Variants in MSI2 observed in about 807,000 individuals in gnomAD.
MSI2 encodes RNA-binding protein Musashi homolog 2.
Under a neutral mutation model 45.6 loss-of-function variants are expected in MSI2, and 17 were observed. That is an observed-to-expected ratio of 0.37 (90% CI 0.26 to 0.56). The LOEUF (loss-of-function observed/expected upper bound fraction) is 0.56. Ranked by LOEUF, MSI2 falls within the 20% of genes least tolerant of loss-of-function variation. The pLI, the probability that MSI2 is intolerant of heterozygous loss-of-function variation, is 0.77. For missense variants in MSI2, 293 were observed against 444.2 expected (o/e 0.66, Z 3.06); for synonymous variants, 156 against 158.2 (o/e 0.99, Z 0.11).
At chr17:57,511,734 T>A (rs967033656) in intron 6 of MSI2, among the ~76,000 whole-genome samples, 1 of 152,242 alleles carries the variant, frequency 6.6e-6, no homozygotes, top group East Asian at 1.9e-4. Context: ...TATTTGGCAA[T>A]GGGGTATTGG....
chr17:57,484,422 G>A lies in MSI2; in HGVS notation c.406-45254G>A, dbSNP rs536024484. Among the ~76,000 whole-genome samples the A allele has an allele frequency of 2.2e-3, 342 of 152,164 alleles. 2 individuals carry two copies. Among genetic ancestry groups the A allele is most frequent in the Non-Finnish European group, 3.8e-3 (259 of 67,982 alleles). On this transcript the variant is annotated intron_variant, in intron 6 of 13. Transcript: ENST00000284073. ...ATTCCTCAAATATTTCTTCCCCCTC[G>A]GAACTCAGTACTGTCAGCCTCAACA...
intron 5 of MSI2, among the ~76,000 whole-genome samples, chr17:57,368,977 T>G (rs1351976246): frequency 6.6e-6 from 1 of 152,180 alleles, no homozygotes; most frequent in Non-Finnish European, 1.5e-5. Flanking sequence ...GGGTCAGAAA[T>G]AGGGTCACCC....
intron 6 of MSI2, among the ~76,000 whole-genome samples, chr17:57,414,191 G>A (rs1225905919): frequency 6.6e-6 from 1 of 152,224 alleles, no homozygotes; most frequent in Non-Finnish European, 1.5e-5. Flanking sequence ...TCAGATATGT[G>A]TAGTCTCTTT....
At position 57,529,600 on chromosome 17, in the gene MSI2, C is replaced by A; in HGVS notation, c.406-76C>A. 1.5e-6 allele frequency: 2 copies of A among 1,363,754 alleles called. No individual in the cohort carries two copies. Among genetic ancestry groups the A allele is most frequent in the African/African-American group, 1.4e-5 (1 of 69,522 alleles). The allele number at this position is 1,363,754 out of a possible 1,614,324, so 84.5% of individuals were successfully genotyped here. On this transcript the variant is annotated intron_variant, in intron 6 of 13. Transcript: ENST00000284073. This position sits in a 1 kb window ranked among gnomAD's most constrained non-coding sequence, Gnocchi z 5.3. ...CTGTAATGGAAACTACCCCCTCACC[C>A]CCCGACATGCATATAATGTTTTGTG...
the MSI2 span, among the ~76,000 whole-genome samples, chr17:57,694,651 T>G: frequency 1.7e-4 from 26 of 152,290 alleles, 1 homozygote; most frequent in African/African-American, 4.6e-4. Flanking sequence ...ACATTGAAAG[T>G]ATGTTCATGC....
chr17:57,690,496 G>A, the MSI2 span, among the ~76,000 whole-genome samples: 2 of 151,886 alleles, frequency 1.3e-5, no homozygotes, highest in African/African-American at 2.4e-5. Flanking sequence ...GTGTGCACCT[G>A]TAGTCCCAGC....
At chr17:57,302,648 C>T (rs80147121) in intron 5 of MSI2, among the ~76,000 whole-genome samples, 3,569 of 152,300 alleles carry the variant, frequency 0.023, 136 homozygotes, top group African/African-American at 0.08. Context: ...CAAATCTTTT[C>T]ACTTACTGTG....
intron 5 of MSI2, among the ~76,000 whole-genome samples, chr17:57,354,490 A>G (rs1916275738): frequency 6.6e-6 from 1 of 152,192 alleles, no homozygotes; most frequent in African/African-American, 2.4e-5. Flanking sequence ...AAGTGAATAT[A>G]AAATTTGATT....
intron 5 of MSI2, among the ~76,000 whole-genome samples, chr17:57,369,514 A>T (rs990696083): frequency 6.6e-6 from 1 of 152,208 alleles, no homozygotes; most frequent in African/African-American, 2.4e-5. Flanking sequence ...TTGATGAATA[A>T]TTCATTCTGG....
intron 7 of MSI2, among the ~76,000 whole-genome samples, chr17:57,546,585 T>A (rs528178384): frequency 1.1e-3 from 162 of 152,278 alleles, no homozygotes; most frequent in African/African-American, 3.8e-3. Context: ...CTTGGAAGGC[T>A]GTGTGGCATG....
At chr17:57,698,898 TGTGTGTG>T in the MSI2 span, among the ~76,000 whole-genome samples, 3 of 71,698 alleles carry the variant, frequency 4.2e-5, no homozygotes, top group Admixed American at 3.6e-4. Context: ...AGGAAGTGTG[TGTGTGTG>T]TGTGTGTGTG....
In MSI2 at chr17:57,596,542, C is replaced by T. The variant is rs368039826; in HGVS notation, c.455-326C>T. ...TCCACGAGGCTCTGGTTAGCCCACC[C>T]GCCTGCTGCCGTGCACAGAGCCGCG... On this transcript the variant is annotated intron_variant, in intron 7 of 13. Transcript: ENST00000284073. This position sits in a 1 kb window ranked among gnomAD's most constrained non-coding sequence, Gnocchi z 4.6. Among the ~76,000 whole-genome samples, 3 of 152,234 alleles carry T rather than the reference C, an allele frequency of 2.0e-5. No individual in the cohort carries two copies. Among genetic ancestry groups the T allele is most frequent in the East Asian group, 1.9e-4 (1 of 5,194 alleles).
At chr17:57,607,135 C>A (rs1371803525) in intron 8 of MSI2, among the ~76,000 whole-genome samples, 1 of 152,206 alleles carries the variant, frequency 6.6e-6, no homozygotes, top group Admixed American at 6.5e-5. Context: ...GTGTGCCAGG[C>A]ACTGTGCTTT....
At chr17:57,615,267 A>G (rs751704960) in intron 8 of MSI2, among the ~76,000 whole-genome samples, 2 of 151,450 alleles carry the variant, frequency 1.3e-5, no homozygotes, top group Non-Finnish European at 2.9e-5. Flanking sequence ...AGCTGGGACT[A>G]CAGGTGTGTG....
chr17:57,597,693 G>GA (rs2144462322), intron 8 of MSI2, among the ~76,000 whole-genome samples: 1 of 152,276 alleles, frequency 6.6e-6, no homozygotes, highest in Non-Finnish European at 1.5e-5. Context: ...TAAACAGGCA[G>GA]AAGGGCGGGA....
intron 5 of MSI2, among the ~76,000 whole-genome samples, chr17:57,398,347 A>G (rs1396952012): frequency 2.0e-5 from 3 of 152,200 alleles, no homozygotes; most frequent in Non-Finnish European, 4.4e-5. Flanking sequence ...TGAGAACTCT[A>G]CTAGTGTATG....
intron 7 of MSI2, among the ~76,000 whole-genome samples, chr17:57,565,133 G>T (rs1423097754): frequency 6.6e-6 from 1 of 152,228 alleles, no homozygotes; most frequent in Non-Finnish European, 1.5e-5. Flanking sequence ...TGACTTGAGA[G>T]CCAGGGTGCC....
At chr17:57,259,464 G>A (rs531453614) in intron 4 of MSI2, among the ~76,000 whole-genome samples, 5 of 152,340 alleles carry the variant, frequency 3.3e-5, no homozygotes, top group Non-Finnish European at 5.9e-5. Flanking sequence ...GAGAAGGAAA[G>A]CAAATAAAGA....
At chr17:57,311,092 G>A (rs1420242249) in intron 5 of MSI2, among the ~76,000 whole-genome samples, 1 of 152,214 alleles carries the variant, frequency 6.6e-6, no homozygotes, top group Non-Finnish European at 1.5e-5. Context: ...TGCTCAATAT[G>A]TGGTGGCTCT....
Sources: allele counts gnomAD v4.1 joint callset (sites outside exome capture counted in the v4.1 genomes callset), GRCh38; gene constraint gnomAD v4.1.1; non-coding constraint Gnocchi (gnomAD v3.1); transcripts MANE v1.5; gene names NCBI Gene and HGNC (gene_info 2026-07-23, HGNC 2026-07-21).